ANKH: variants seen among roughly 807,000 people sequenced by gnomAD.
ANKH encodes the protein ANKH inorganic pyrophosphate transport regulator, also known as mineralization regulator ANKH.
ANKH carries 15 observed loss-of-function variants against 49.0 expected under a neutral mutation model. The observed-to-expected ratio is 0.31, with a 90% CI of 0.20 to 0.47. ANKH has a LOEUF of 0.47. Among genes scored for constraint, ANKH ranks in the 20% least tolerant of loss-of-function variants. The pLI is 1.00. For synonymous variants in ANKH, 273 were observed against 260.0 expected (o/e 1.05, Z -0.48); for missense variants, 429 against 652.0 (o/e 0.66, Z 3.72).
rs140088674 is a variant in ANKH, at chr5:14,710,953, G to A, written c.*244C>T. The A allele has an allele frequency of 7.0e-4, 343 of 492,802 alleles. 3 individuals are homozygous for A. Among genetic ancestry groups the A allele is most frequent in the African/African-American group, 6.0e-3 (306 of 51,262 alleles). The allele number at this position is 492,802 out of a possible 1,614,324, so 30.5% of individuals were successfully genotyped here. ...TCTTTTGGGTTTTCGTGAGGCAGGG[G>A]TATGAAGTCAGTTGTTTCGTTTGTT... is the stretch of plus-strand genomic sequence containing the variant. On this transcript the variant is annotated 3_prime_UTR_variant, in exon 12 of 12. Transcript: ENST00000284268.
In ANKH at chr5:14,801,244, C is replaced by A. The variant is rs913566910; in HGVS notation, c.97-32053G>T. Among the ~76,000 whole-genome samples the A allele has an allele frequency of 3.9e-5, 6 of 152,262 alleles. No individual in the cohort carries two copies. In the East Asian group the frequency reaches 1.2e-3, roughly 29 times the overall value. On this transcript the variant is annotated intron_variant, in intron 1 of 11. Transcript: ENST00000284268. ...GTTGTCTCTTATCTTTACATAGAAC[C>A]CTATTAGATGCCTTCTTGATCTTTA...
At chr5:14,738,875 G>C (rs1345221674) in intron 8 of ANKH, among the ~76,000 whole-genome samples, 1 of 152,208 alleles carries the variant, frequency 6.6e-6, no homozygotes, top group Non-Finnish European at 1.5e-5. Flanking sequence ...GGTGAATGCT[G>C]TCGGTACCTT....
chr5:14,713,005 G>A lies in ANKH; in HGVS notation c.1266-32C>T. On this transcript the variant is annotated intron_variant, in intron 10 of 11. Coordinates refer to ENST00000284268, the MANE Select transcript of ANKH (RefSeq NM_054027.6). This position sits in a 1 kb window ranked among gnomAD's most constrained non-coding sequence, Gnocchi z 4.4. ...ATGAGAACACAAAGGCAATTTGTCTGTTAAGGCCAAGTCAAGGCACAACCG... is the reference window on the plus strand; with the variant it reads ...ATGAGAACACAAAGGCAATTTGTCTATTAAGGCCAAGTCAAGGCACAACCG... 1 of 1,591,790 alleles carries A rather than the reference G, an allele frequency of 6.3e-7. No homozygotes were observed. Among genetic ancestry groups the A allele is most frequent in the Non-Finnish European group, 8.6e-7 (1 of 1,166,044 alleles).
chr5:14,711,310 T>C lies in ANKH; in HGVS notation c.1366A>G (p.Lys456Glu). ...IAACYVYRKQKKKMENESATE... is the reference protein window; with the variant it reads ...IAACYVYRKQEKKMENESATE... ...GCCGACTCATTCTCCATCTTCTTTT[T>C]CTAGACCAAAGAAGACTCATCAGTG... is the stretch of plus-strand genomic sequence containing the variant. The change falls in exon 12 of 12, where the codon AAA (lysine) becomes GAA (glutamate). Residue 456 changes from lysine (K) to glutamate (E), a missense_variant and splice_region_variant. Around this residue, in one of 2 missense-constraint regions of ANKH, gnomAD observed 378 missense variants for 615.3 expected, o/e 0.61. Transcript: ENST00000284268. 1 of 1,613,376 alleles carries C rather than the reference T, an allele frequency of 6.2e-7. No homozygotes were observed. The highest frequency in any genetic ancestry group is 8.5e-7 in the Non-Finnish European group (1 of 1,179,318).
At chr5:14,793,464 A>G (rs1413676569) in intron 1 of ANKH, among the ~76,000 whole-genome samples, 2 of 152,062 alleles carry the variant, frequency 1.3e-5, no homozygotes, top group Admixed American at 1.3e-4. Context: ...TGAGGACTGC[A>G]GGGGATCAGA....
rs1737004645 is a variant in ANKH at position 14,707,956 on chromosome 5, C to G, written c.*3241G>C. ...AATGCAAACAAGTGGCCTTCTGTGC[C>G]CCATTTAAAGAATCCCAAACGGGAG... On this transcript the variant is annotated 3_prime_UTR_variant, in exon 12 of 12. Transcript: ENST00000284268. 6.6e-6 allele frequency: 1 copy of G among 152,110 alleles called. No individual in the cohort carries two copies. The highest frequency in any genetic ancestry group is 1.5e-5 in the Non-Finnish European group (1 of 68,014). 9.4% of individuals were successfully genotyped at this position (152,110 alleles called of 1,614,324 possible).
At chr5:14,738,653 G>A (rs2126461426) in intron 8 of ANKH, among the ~76,000 whole-genome samples, 1 of 152,084 alleles carries the variant, frequency 6.6e-6, no homozygotes, top group South Asian at 2.1e-4. Context: ...AACAGGCCAG[G>A]GGCAGTGGCT....
chr5:14,716,694 G>C lies in ANKH; in HGVS notation c.1141+12C>G, dbSNP rs774735154. ...TAAACAGGAATGCTTCCTTCATTCT[G>C]TTTTTCTTTACCTGGAACTGGGAAG... On this transcript the variant is annotated intron_variant, in intron 9 of 11. Coordinates refer to ENST00000284268, the MANE Select transcript of ANKH (RefSeq NM_054027.6). 1 of 1,613,824 alleles carries C rather than the reference G, an allele frequency of 6.2e-7. No individual in the cohort carries two copies. The highest frequency in any genetic ancestry group is 1.1e-5 in the South Asian group (1 of 91,080).
chr5:14,868,919 C>G (rs897367007), intron 1 of ANKH: 2 of 152,116 alleles, frequency 1.3e-5, no homozygotes, highest in African/African-American at 4.8e-5. Context: ...CTCAAAAGCA[C>G]GTGAACCTGA....
chr5:14,802,945 G>A (rs1299395853), intron 1 of ANKH, among the ~76,000 whole-genome samples: 1 of 152,160 alleles, frequency 6.6e-6, no homozygotes, highest in Non-Finnish European at 1.5e-5. Flanking sequence ...CTTCAAGCAG[G>A]GATGTTAAAT....
At chr5:14,870,787 GAAAA>G (rs148679682) in intron 1 of ANKH, 6 of 142,798 alleles carry the variant, frequency 4.2e-5, no homozygotes, top group African/African-American at 2.7e-5. Context: ...AAGAAAGAAA[GAAAA>G]AAAAAGAAAA....
chr5:14,797,810 T>C (rs1740436906), intron 1 of ANKH: 1 of 1,611,274 alleles, frequency 6.2e-7, no homozygotes, highest in African/African-American at 1.3e-5. Context: ...TGTGGTCATC[T>C]GAAGCACTAA....
At chr5:14,768,824 C>T (rs569979948) in intron 2 of ANKH, 151 bp downstream of exon 2, 245 of 837,716 alleles carry the variant, frequency 2.9e-4, no homozygotes, top group South Asian at 4.9e-4. Context: ...GCTAGGAGCA[C>T]AAGCGCTTTC....
At chr5:14,778,284 ATTGCTCTCTCATC>A (rs1435394400) in intron 1 of ANKH, among the ~76,000 whole-genome samples, 1 of 152,050 alleles carries the variant, frequency 6.6e-6, no homozygotes, top group Non-Finnish European at 1.5e-5. Flanking sequence ...GCCTAGCCAT[ATTGCTCTCTCATC>A]TTAGAGTTCC....
intron 8 of ANKH, among the ~76,000 whole-genome samples, chr5:14,738,357 G>A (rs934777458): frequency 3.9e-5 from 6 of 152,148 alleles, no homozygotes; most frequent in African/African-American, 1.2e-4. Flanking sequence ...GACAGTATAC[G>A]TTTTCCTTTG....
chr5:14,777,690 A>C (rs9312873), intron 1 of ANKH, among the ~76,000 whole-genome samples: 3 of 152,120 alleles, frequency 2.0e-5, no homozygotes, highest in African/African-American at 7.2e-5. Context: ...CATTCCTTGC[A>C]AGTGGGAAGG....
At chr5:14,857,988 A>AT (rs1194037990) in intron 1 of ANKH, among the ~76,000 whole-genome samples, 1 of 152,194 alleles carries the variant, frequency 6.6e-6, no homozygotes, top group Non-Finnish European at 1.5e-5. Context: ...GTGTACAAAG[A>AT]TTTCTGTACA....
rs1359506656 is a variant in ANKH, at chr5:14,758,419, T to G, written c.432+61A>C. 4.8e-6 allele frequency: 6 copies of G among 1,255,612 alleles called. No individual in the cohort carries two copies. The African/African-American group carries it at 9.0e-5, about 19-fold the overall frequency. The allele number at this position is 1,255,612 out of a possible 1,614,324, so 77.8% of individuals were successfully genotyped here. On this transcript the variant is annotated intron_variant, in intron 3 of 11. Coordinates refer to ENST00000284268, the MANE Select transcript of ANKH (RefSeq NM_054027.6). ...ATAGCTAAAATGGTAGATTTTATAT[T>G]ATGTATATTTTACCACCAGTTAAAG...
At chr5:14,809,215 T>A (rs1580085192) in intron 1 of ANKH, among the ~76,000 whole-genome samples, 1 of 115,458 alleles carries the variant, frequency 8.7e-6, no homozygotes, top group African/African-American at 3.3e-5. Flanking sequence ...GGGATAGCAT[T>A]GGGAGATATA....
Sources: allele counts gnomAD v4.1 joint callset (sites outside exome capture counted in the v4.1 genomes callset), GRCh38; gene constraint gnomAD v4.1.1; regional missense constraint gnomAD v4.1.1; non-coding constraint Gnocchi (gnomAD v3.1); transcripts MANE v1.5; gene names NCBI Gene and HGNC (gene_info 2026-07-23, HGNC 2026-07-21).